Variants in PTPRD observed in about 807,000 individuals in gnomAD.
PTPRD encodes the protein protein tyrosine phosphatase receptor type D.
In PTPRD, 34 loss-of-function variants were observed where a neutral mutation model predicts 214.5. The ratio of observed to expected loss-of-function variants is 0.16; its 90% CI spans 0.12 to 0.21. The LOEUF is 0.21. Ranked by LOEUF, PTPRD falls within the 10% of genes least tolerant of loss-of-function variation. PTPRD has a pLI of 1.00. For synonymous variants in PTPRD, 1,128 were observed against 845.7 expected (o/e 1.33, Z -5.79); for missense variants, 2,545 against 2,398.7 (o/e 1.06, Z -1.27).
Position 9,128,299 on chromosome 9 carries a change from C to T in PTPRD, c.-143+55005G>A, listed in dbSNP as rs532289310. 3.3e-5 allele frequency among the ~76,000 whole-genome samples: 5 copies of T among 152,270 alleles called. No homozygotes were observed. The South Asian group carries it at 8.3e-4, about 25-fold the overall frequency. ...ATTTAGGTCATTAGCTCTCCTTTAA[C>T]CTTCCGAACTCATACATTTGCGCAC... is the stretch of plus-strand genomic sequence containing the variant. On this transcript the variant is annotated intron_variant, in intron 10 of 45. Transcript: ENST00000381196.
intron 2 of PTPRD, among the ~76,000 whole-genome samples, chr9:10,585,165 G>A (rs1361076583): frequency 6.6e-6 from 1 of 151,984 alleles, no homozygotes; most frequent in African/African-American, 2.4e-5. Flanking sequence ...CACAAATAGT[G>A]ATGAATGGGA....
intron 3 of PTPRD, among the ~76,000 whole-genome samples, chr9:10,108,344 T>C (rs1482147332): frequency 6.6e-6 from 1 of 152,102 alleles, no homozygotes; most frequent in Non-Finnish European, 1.5e-5. Context: ...CTACTCTCTT[T>C]GCAATTTTCA....
chr9:10,429,512 C>T (rs899763606), intron 2 of PTPRD, among the ~76,000 whole-genome samples: 5 of 151,780 alleles, frequency 3.3e-5, no homozygotes, highest in Non-Finnish European at 7.4e-5. Flanking sequence ...AGAATGAAAC[C>T]TTGTCATTTT....
intron 12 of PTPRD, among the ~76,000 whole-genome samples, chr9:8,663,434 C>T (rs1015320106): frequency 6.8e-6 from 1 of 146,814 alleles, no homozygotes; most frequent in Non-Finnish European, 1.5e-5. Flanking sequence ...AAATTTTGTT[C>T]TGCATGTGAT....
intron 3 of PTPRD, among the ~76,000 whole-genome samples, chr9:10,183,370 T>A (rs2154309908): frequency 6.6e-6 from 1 of 152,248 alleles, no homozygotes. Flanking sequence ...TATGATCAAT[T>A]TATATTTATA....
intron 8 of PTPRD, among the ~76,000 whole-genome samples, chr9:9,401,589 C>T (rs1465557431): frequency 8.9e-6 from 1 of 112,266 alleles, no homozygotes; most frequent in Non-Finnish European, 1.8e-5. Flanking sequence ...ACAAGAAGTC[C>T]AAATGTTATA....
chr9:9,319,272 A>C (rs1049453232), intron 9 of PTPRD, among the ~76,000 whole-genome samples: 1 of 152,156 alleles, frequency 6.6e-6, no homozygotes, highest in African/African-American at 2.4e-5. Flanking sequence ...GCTAAATTCC[A>C]GTGTTTGGGA....
At chr9:10,122,354 A>T (rs958985039) in intron 3 of PTPRD, among the ~76,000 whole-genome samples, 7 of 152,200 alleles carry the variant, frequency 4.6e-5, no homozygotes, top group Non-Finnish European at 8.8e-5. Context: ...TATATGAAAT[A>T]CCACATTTAG....
At chr9:9,289,829 C>T (rs114843262) in intron 9 of PTPRD, among the ~76,000 whole-genome samples, 331 of 151,758 alleles carry the variant, frequency 2.2e-3, no homozygotes, top group African/African-American at 7.8e-3. Context: ...ACATTGTGTA[C>T]ATAAACCATA....
intron 3 of PTPRD, among the ~76,000 whole-genome samples, chr9:10,231,989 A>AGAGAGAGAGAGAGTGT (rs1245284728): frequency 1.1e-4 from 10 of 92,434 alleles, no homozygotes; most frequent in African/African-American, 4.8e-4. Context: ...AGAGAGAGAG[A>AGAGAGAGAGAGAGTGT]GTGTGTGTGT....
intron 11 of PTPRD, among the ~76,000 whole-genome samples, chr9:8,934,487 AT>A (rs2098980860): frequency 1.0e-4 from 1 of 9,742 alleles, no homozygotes; most frequent in African/African-American, 3.4e-4. Context: ...AAATATATAT[AT>A]ATATAAATAT....
At chr9:9,667,124 C>G (rs145263285) in intron 7 of PTPRD, among the ~76,000 whole-genome samples, 1 of 152,118 alleles carries the variant, frequency 6.6e-6, no homozygotes, top group African/African-American at 2.4e-5. Flanking sequence ...ACTCTCTTTT[C>G]TACCACGTGC....
intron 11 of PTPRD, among the ~76,000 whole-genome samples, chr9:9,010,936 T>C (rs2099509270): frequency 6.6e-6 from 1 of 152,168 alleles, no homozygotes; most frequent in Non-Finnish European, 1.5e-5. Context: ...AAAGTATGAA[T>C]AAATACCATT....
intron 35 of PTPRD, among the ~76,000 whole-genome samples, chr9:8,430,843 C>T (rs2094998654): frequency 6.6e-6 from 1 of 152,126 alleles, no homozygotes; most frequent in African/African-American, 2.4e-5. Flanking sequence ...CTCAATTCTC[C>T]AGATCATTAT....
chr9:9,414,610 T>A (rs1376178748), intron 8 of PTPRD: 1 of 152,132 alleles, frequency 6.6e-6, no homozygotes, highest in Non-Finnish European at 1.5e-5. Flanking sequence ...ATCTTCATCA[T>A]CTCTTAGATA....
At chr9:9,711,965 C>G (rs1457658131) in intron 7 of PTPRD, among the ~76,000 whole-genome samples, 1 of 152,166 alleles carries the variant, frequency 6.6e-6, no homozygotes, top group African/African-American at 2.4e-5. Context: ...GGCACAAATA[C>G]TGTCATTCTG....
intron 39 of PTPRD, among the ~76,000 whole-genome samples, chr9:8,375,533 CAGTAATTTTTTTCCCCTATAAAT>C (rs1047997464): frequency 1.3e-5 from 2 of 151,626 alleles, no homozygotes; most frequent in African/African-American, 4.9e-5. Flanking sequence ...TTATTTTGTT[CAGTAATTTTTTTCCCCTATAAAT>C]AGTAAAAAGG....
At chr9:8,487,178 ATGAGGTTCTGC>A (rs2097040255) in intron 27 of PTPRD, among the ~76,000 whole-genome samples, 1 of 152,214 alleles carries the variant, frequency 6.6e-6, no homozygotes, top group African/African-American at 2.4e-5. Flanking sequence ...AAGTCTTAGC[ATGAGGTTCTGC>A]ATTCTATCAA....
intron 2 of PTPRD, among the ~76,000 whole-genome samples, chr9:10,497,914 G>A (rs1405798790): frequency 6.6e-6 from 1 of 151,952 alleles, no homozygotes; most frequent in Admixed American, 6.6e-5. Context: ...GAACTTTTAT[G>A]TACCATACAC....
Sources: gnomAD v4.1 joint callset for allele counts (sites outside exome capture counted in the v4.1 genomes callset) on GRCh38, gnomAD v4.1.1 for gene constraint, MANE v1.5 for transcripts, NCBI Gene and HGNC (gene_info 2026-07-23, HGNC 2026-07-21) for gene names.